The following ARMC3 variants were observed in gnomAD, a reference collection of about 807,000 sequenced individuals.
ARMC3 encodes armadillo repeat containing 3, also known as armadillo repeat-containing protein 3.
Under a neutral mutation model 90.3 loss-of-function variants are expected in ARMC3, and 74 were observed. The observed-to-expected ratio is 0.82, with a 90% CI of 0.68 to 0.99. The LOEUF (loss-of-function observed/expected upper bound fraction) is 0.99, where lower values mean the gene tolerates loss of function less well. Ranked by LOEUF, ARMC3 falls within the 50% of genes least tolerant of loss-of-function variation. ARMC3 has a pLI of 0.00. For missense variants in ARMC3, 958 were observed against 1,042.8 expected (o/e 0.92, Z 1.12); for synonymous variants, 334 against 361.8 (o/e 0.92, Z 0.87).
At chr10:23,015,963 C>T (rs971153966) in intron 16 of ARMC3, among the ~76,000 whole-genome samples, 3 of 152,106 alleles carry the variant, frequency 2.0e-5, no homozygotes, top group African/African-American at 7.2e-5. Flanking sequence ...ATAGAACTTA[C>T]ATCCTAGTGA....
intron 10 of ARMC3, among the ~76,000 whole-genome samples, chr10:22,986,576 AAC>A (rs1401521709): frequency 1.1e-4 from 16 of 144,662 alleles, no homozygotes; most frequent in African/African-American, 3.9e-4. Context: ...AAAAAAAAAA[AAC>A]AAACCCAAAA....
intron 16 of ARMC3, among the ~76,000 whole-genome samples, chr10:23,010,061 C>G (rs984416695): frequency 6.6e-6 from 1 of 151,964 alleles, no homozygotes; most frequent in Non-Finnish European, 1.5e-5. Context: ...CTCTGTTGCT[C>G]AATATTCTCA....
At chr10:22,958,178 G>C (rs1835029609) in intron 4 of ARMC3, among the ~76,000 whole-genome samples, 2 of 152,216 alleles carry the variant, frequency 1.3e-5, no homozygotes, top group Admixed American at 1.3e-4. Context: ...CAGGTGGTTA[G>C]TAGTGGAACT....
chr10:23,032,927 T>C lies in ARMC3; in HGVS notation c.2313T>C (p.Leu771=). 6.2e-7 allele frequency: 1 copy of C among 1,613,108 alleles called. No individual in the cohort carries two copies. The highest frequency in any genetic ancestry group is 8.5e-7 in the Non-Finnish European group (1 of 1,179,468). Residue 771 remains leucine (L), a synonymous_variant, in exon 18 of 19, where the codon CTT becomes CTC. Coordinates refer to ENST00000298032, the MANE Select transcript of ARMC3 (RefSeq NM_173081.5). The part of the protein sequence containing the change: ...KEKLPDFSWE[L]HISELKFQLK... ...AACTACCTGATTTCAGCTGGGAACT[T>C]CACATAAGTGAACTGAAATTTCAAC...
chr10:22,996,432 T>A (rs72812463), intron 10 of ARMC3, among the ~76,000 whole-genome samples: 6,943 of 152,218 alleles, frequency 0.046, 209 homozygotes, highest in Middle Eastern at 0.092. Context: ...TCAATTTTGG[T>A]TACATGTCAT....
Position 22,976,722 on chromosome 10 carries a change from C to T in ARMC3, c.917-4618C>T, listed in dbSNP as rs533855749. Among the ~76,000 whole-genome samples the T allele has an allele frequency of 3.9e-5, 6 of 152,270 alleles. No individual in the cohort carries two copies. The East Asian group carries it at 7.7e-4, about 20-fold the overall frequency. ...CTAATTCTGACCTGTCTTCTGAATT[C>T]CTGCCTGTATTTCTGACAGCTTCCA... On this transcript the variant is annotated intron_variant, in intron 8 of 18. Transcript: ENST00000298032.
At chr10:22,976,734 T>A (rs1204970153) in intron 8 of ARMC3, among the ~76,000 whole-genome samples, 1 of 152,194 alleles carries the variant, frequency 6.6e-6, no homozygotes, top group Non-Finnish European at 1.5e-5. Context: ...TGCCTGTATT[T>A]CTGACAGCTT....
chr10:22,967,516 C>G (rs1772300422), intron 7 of ARMC3, among the ~76,000 whole-genome samples: 1 of 152,170 alleles, frequency 6.6e-6, no homozygotes, highest in Admixed American at 6.5e-5. Flanking sequence ...GTTTACCCTT[C>G]CTGGACCCAC....
intron 11 of ARMC3, 45 bp from the exon 12 acceptor site, chr10:23,001,874 A>G (rs1837307915): frequency 1.3e-6 from 2 of 1,578,510 alleles, no homozygotes; most frequent in South Asian, 1.2e-5. Context: ...ACAAATAGTT[A>G]CATTCTACAC....
intron 1 of ARMC3, among the ~76,000 whole-genome samples, chr10:22,930,443 C>G (rs1198739944): frequency 6.6e-6 from 1 of 152,052 alleles, no homozygotes; most frequent in Non-Finnish European, 1.5e-5. Flanking sequence ...ATACAAATTT[C>G]AAAAGTTTTT....
chr10:22,968,875 C>T lies in ARMC3; in HGVS notation c.916+386C>T, dbSNP rs188822770. On this transcript the variant is annotated intron_variant, in intron 8 of 18. Transcript: ENST00000298032. ...TAATCAACACTAGAGCATTTGTCTG[C>T]TTTTAAAAAACCATTTGAGAATAGT... Among the ~76,000 whole-genome samples, 23 of 152,252 alleles carry T rather than the reference C, an allele frequency of 1.5e-4. 1 individual carries two copies. Among genetic ancestry groups the T allele is most frequent in the Admixed American group, 1.0e-3 (16 of 15,294 alleles).
chr10:22,981,202 A>C, intron 8 of ARMC3, 138 bp from the exon 9 acceptor site: 2 of 741,780 alleles, frequency 2.7e-6, no homozygotes, highest in Non-Finnish European at 4.3e-6. Context: ...AAATAGTTGT[A>C]GATTTTGTCT....
intron 14 of ARMC3, 85 bp downstream of exon 14, chr10:23,007,066 G>A (rs73600595): frequency 0.024 from 27,237 of 1,137,264 alleles, 459 homozygotes; most frequent in African/African-American, 0.059. Context: ...AATATGCAAA[G>A]ATTCCCAGAC....
chr10:23,007,051 G>T (rs372615543), intron 14 of ARMC3, 70 bp downstream of exon 14: 2 of 1,256,652 alleles, frequency 1.6e-6, no homozygotes, highest in South Asian at 2.8e-5. Flanking sequence ...CTCCACCAAC[G>T]TGTGAATATG....
chr10:23,000,733 A>C (rs1441504811), intron 11 of ARMC3, among the ~76,000 whole-genome samples: 1 of 152,246 alleles, frequency 6.6e-6, no homozygotes, highest in Admixed American at 6.5e-5. Context: ...GTGTGATAAC[A>C]GGTAAGCCCC....
chr10:22,931,090 G>A (rs896323945), intron 1 of ARMC3, among the ~76,000 whole-genome samples: 7 of 152,028 alleles, frequency 4.6e-5, no homozygotes, highest in South Asian at 2.1e-4. Context: ...CACCACACCC[G>A]GCTAATTTTT....
rs1166825803 is a variant in ARMC3, at chr10:22,995,714, T to C, written c.1176-2434T>C. Among the ~76,000 whole-genome samples the C allele has an allele frequency of 4.6e-5, 7 of 152,322 alleles. No homozygotes were observed. The East Asian group carries it at 1.2e-3, about 25-fold the overall frequency. On this transcript the variant is annotated intron_variant, in intron 10 of 18. Coordinates refer to ENST00000298032, the MANE Select transcript of ARMC3 (RefSeq NM_173081.5). ...ACTGTTCGGATATACCTGATGTAAA[T>C]TCCTGTATTTCCATGATCCAATTTT...
intron 10 of ARMC3, among the ~76,000 whole-genome samples, chr10:22,983,845 A>G (rs1836292884): frequency 6.6e-6 from 1 of 152,190 alleles, no homozygotes; most frequent in African/African-American, 2.4e-5. Context: ...GTGACTACAA[A>G]TGTGATTGGT....
At position 22,977,731 on chromosome 10, in the gene ARMC3, A is replaced by G. The variant is rs543794734; in HGVS notation, c.917-3609A>G. On this transcript the variant is annotated intron_variant, in intron 8 of 18. Coordinates refer to ENST00000298032, the MANE Select transcript of ARMC3 (RefSeq NM_173081.5). The stretch of plus-strand genomic sequence containing the variant: ...AATGCAGAGGTGGTTTAATTTTCTT[A>G]TAGCCTAGGAGATATCTGGTCTGAA... Among the ~76,000 whole-genome samples the G allele has an allele frequency of 2.6e-5, 4 of 152,328 alleles. No homozygotes were observed. In the South Asian group the frequency reaches 8.3e-4, roughly 32 times the overall value.
Sources: allele counts gnomAD v4.1 joint callset (sites outside exome capture counted in the v4.1 genomes callset), GRCh38; gene constraint gnomAD v4.1.1; transcripts MANE v1.5; gene names NCBI Gene and HGNC (gene_info 2026-07-23, HGNC 2026-07-21).